TNN: variants seen among roughly 807,000 people sequenced by gnomAD.
TNN encodes the protein tenascin-N.
Under a neutral mutation model 134.4 loss-of-function variants are expected in TNN, and 122 were observed. The ratio of observed to expected loss-of-function variants is 0.91; its 90% CI spans 0.78 to 1.06. The LOEUF is 1.06. Ranked by LOEUF, TNN falls within the 50% of genes least tolerant of loss-of-function variation. TNN has a pLI of 0.00. For missense variants in TNN, 1,739 were observed against 1,699.4 expected (o/e 1.02, Z -0.41); for synonymous variants, 710 against 670.3 (o/e 1.06, Z -0.91).
In TNN at chr1:175,119,628, CCTTTTTTTT is replaced by C. The variant is rs1213427061; in HGVS notation, c.2650+814_2650+822del. Among the ~76,000 whole-genome samples, 374 of 126,346 alleles carry C rather than the reference CCTTTTTTTT, an allele frequency of 3.0e-3. 1 individual carries two copies. Among genetic ancestry groups the C allele is most frequent in the African/African-American group, 0.012 (363 of 30,614 alleles). 82.9% of individuals were successfully genotyped at this position (126,346 alleles called of 152,430 possible). On this transcript the variant is annotated intron_variant, in intron 11 of 18. Transcript: ENST00000239462. ...CCCAGTGGGAGCAGTCCCATGAATGCCTTTTTTTTCTTTTTTTTTTTTTTTTGAGACAGT... is the reference window on the plus strand; with the variant it reads ...CCCAGTGGGAGCAGTCCCATGAATGCCTTTTTTTTTTTTTTTTGAGACAGT...
Position 175,118,687 on chromosome 1 carries a change from C to A in TNN, c.2513C>A (p.Thr838Asn). The change falls in exon 11 of 19, where the codon ACC becomes AAC. Residue 838 changes from threonine to asparagine, a missense_variant. Physicochemically the swap from Thr to Asn is moderately conservative, Grantham distance 65. Transcript: ENST00000239462. ...CACTACACGTCTGCCAACGGAGAGA[C>A]CAGGGAGGTTCCAGTGGGGAAGGAG... The part of the protein sequence containing the change: ...VVHYTSANGE[T>N]REVPVGKEQS... 2 of 1,614,214 alleles carry A rather than the reference C, an allele frequency of 1.2e-6. No homozygotes were observed. Among genetic ancestry groups the A allele is most frequent in the Non-Finnish European group, 1.7e-6 (2 of 1,180,040 alleles).
intron 1 of TNN, among the ~76,000 whole-genome samples, chr1:175,068,538 C>T (rs931664793): frequency 3.3e-5 from 5 of 152,244 alleles, no homozygotes; most frequent in Admixed American, 1.3e-4. Flanking sequence ...TTTGTTAAGA[C>T]GACAACTTCT....
intron 17 of TNN, among the ~76,000 whole-genome samples, chr1:175,138,309 G>C (rs1675866786): frequency 6.6e-6 from 1 of 152,194 alleles, no homozygotes; most frequent in Non-Finnish European, 1.5e-5. Flanking sequence ...CTCAGAGCCT[G>C]GTACAGAGTA....
At chr1:175,088,830 C>G (rs192939265) in intron 6 of TNN, among the ~76,000 whole-genome samples, 3 of 152,334 alleles carry the variant, frequency 2.0e-5, no homozygotes, top group Admixed American at 6.5e-5. Flanking sequence ...CAGGGGATCA[C>G]AGCAATAATG....
chr1:175,102,445 G>T (rs922926965), intron 9 of TNN, among the ~76,000 whole-genome samples: 2 of 146,054 alleles, frequency 1.4e-5, no homozygotes, highest in Non-Finnish European at 3.0e-5. Context: ...AGTCCTGCCC[G>T]GCGGGAAGGC....
chr1:175,080,548 T>A, intron 4 of TNN, 122 bp downstream of exon 4: 1 of 1,215,064 alleles, frequency 8.2e-7, no homozygotes, highest in Non-Finnish European at 1.2e-6. Flanking sequence ...CCTGCCACAA[T>A]CCTAGGTTCT....
chr1:175,089,077 CAT>C (rs1674383393), intron 6 of TNN, among the ~76,000 whole-genome samples: 1 of 152,122 alleles, frequency 6.6e-6, no homozygotes, highest in Non-Finnish European at 1.5e-5. Flanking sequence ...AAATTTGTGT[CAT>C]GTGTTTTACC....
chr1:175,136,004 C>A, intron 16 of TNN, 63 bp downstream of exon 16: 1 of 1,269,136 alleles, frequency 7.9e-7, no homozygotes. Context: ...GACAAGCTAG[C>A]TAGGAGGCTT....
Position 175,079,432 on chromosome 1 carries a change from C to CA in TNN, c.509_510insA (p.Cys171LeufsTer20). 1 of 1,584,304 alleles carries CA rather than the reference C, an allele frequency of 6.3e-7. No individual in the cohort carries two copies. The highest frequency in any genetic ancestry group is 1.1e-5 in the South Asian group (1 of 88,482). On this transcript the variant is annotated frameshift_variant, in exon 3 of 19. Transcript: ENST00000239462. LOFTEE classifies it high-confidence loss of function. ...GAGGGCCCCGCCTGCGAGCGGCTGGCCTGCCCCGGGGCGTGCAGCGGCCAC... is the reference window on the plus strand; with the variant it reads ...GAGGGCCCCGCCTGCGAGCGGCTGGCACTGCCCCGGGGCGTGCAGCGGCCAC...
Position 175,097,760 on chromosome 1 carries a change from G to A in TNN, c.1855+77G>A, listed in dbSNP as rs1368274637. ...AATAGGTATGGTATCAAAGGATGTG[G>A]CCTGAGCAGAAAGACTTTGCAATTA... On this transcript the variant is annotated intron_variant, in intron 8 of 18. Transcript: ENST00000239462. The A allele has an allele frequency of 2.6e-6, 4 of 1,562,852 alleles. No homozygotes were observed. The South Asian group carries it at 3.6e-5, about 14-fold the overall frequency.
Position 175,147,866 on chromosome 1 carries a change from C to G in TNN, c.*795C>G, listed in dbSNP as rs749131800. 3 of 152,202 alleles carry G rather than the reference C, an allele frequency of 2.0e-5. No homozygotes were observed. Among genetic ancestry groups the G allele is most frequent in the Non-Finnish European group, 4.4e-5 (3 of 68,044 alleles). 9.4% of individuals were successfully genotyped at this position (152,202 alleles called of 1,614,324 possible). On this transcript the variant is annotated 3_prime_UTR_variant, in exon 19 of 19. Coordinates refer to ENST00000239462, the MANE Select transcript of TNN (RefSeq NM_022093.2). The stretch of plus-strand genomic sequence containing the variant: ...CACCAGGCCTCAGACTCCCTCTTTT[C>G]CCCGCCCTGCACTATTGGAGCCCTG...
In TNN at chr1:175,097,651, A is replaced by G. The variant is rs1344798546; in HGVS notation, c.1823A>G (p.Glu608Gly). 1 of 1,614,100 alleles carries G rather than the reference A, an allele frequency of 6.2e-7. No homozygotes were observed. Among genetic ancestry groups the G allele is most frequent in the Non-Finnish European group, 8.5e-7 (1 of 1,180,038 alleles). Residue 608 changes from glutamate to glycine, a missense_variant, in exon 8 of 19, where the codon GAG becomes GGG. Coordinates refer to ENST00000239462, the MANE Select transcript of TNN (RefSeq NM_022093.2). ...GTCTGGGCCCAGAAGGGGGACCGAG[A>G]GAGCAAGAAGGCTGACACCAACGCC... Reference protein sequence around the residue: ...VHVWAQKGDRESKKADTNAPT... With the variant: ...VHVWAQKGDRGSKKADTNAPT...
intron 17 of TNN, among the ~76,000 whole-genome samples, chr1:175,142,949 G>T (rs1310920759): frequency 6.6e-6 from 1 of 152,178 alleles, no homozygotes; most frequent in Non-Finnish European, 1.5e-5. Context: ...CAGGGGATGT[G>T]GATGCTGCTG....
chr1:175,117,232 T>C (rs1474962836), intron 10 of TNN, 27 bp downstream of exon 10: 1 of 1,606,450 alleles, frequency 6.2e-7, no homozygotes, highest in Non-Finnish European at 8.5e-7. Context: ...TTTGGGAATA[T>C]AAGAGCTTTC....
chr1:175,124,441 G>A (rs920870957), intron 12 of TNN, among the ~76,000 whole-genome samples: 3 of 152,212 alleles, frequency 2.0e-5, no homozygotes, highest in Admixed American at 2.0e-4. Flanking sequence ...AGCCCTTTGG[G>A]AGGTCAAGGC....
intron 9 of TNN, among the ~76,000 whole-genome samples, chr1:175,108,570 G>T (rs540540770): frequency 4.3e-4 from 66 of 152,370 alleles, no homozygotes; most frequent in Non-Finnish European, 2.8e-4. Context: ...GAAGGCTTAG[G>T]CATGGCGGGC....
chr1:175,080,979 C>T, intron 4 of TNN, among the ~76,000 whole-genome samples: 1 of 152,110 alleles, frequency 6.6e-6, no homozygotes, highest in East Asian at 1.9e-4. Context: ...GTACTTGGAC[C>T]CAGAGAGAGC....
At chr1:175,098,690 T>C in intron 9 of TNN, 95 bp downstream of exon 9, 1 of 1,561,676 alleles carries the variant, frequency 6.4e-7, no homozygotes, top group Non-Finnish European at 8.7e-7. Context: ...GGGGACTTTA[T>C]GGAAGAGCAG....
At chr1:175,132,925 A>G (rs1163500624) in intron 15 of TNN, among the ~76,000 whole-genome samples, 1 of 152,268 alleles carries the variant, frequency 6.6e-6, no homozygotes, top group Non-Finnish European at 1.5e-5. Context: ...AGGCACAAAT[A>G]TCAGGTGGTT....
Sources: allele counts gnomAD v4.1 joint callset (sites outside exome capture counted in the v4.1 genomes callset), GRCh38; gene constraint gnomAD v4.1.1; transcripts MANE v1.5; gene names NCBI Gene and HGNC (gene_info 2026-07-23, HGNC 2026-07-21).